The following TCF25 variants were observed in gnomAD, a reference collection of about 807,000 sequenced individuals.
TCF25 encodes ribosome quality control complex subunit TCF25.
Under a neutral mutation model 83.1 loss-of-function variants are expected in TCF25, and 41 were observed. That is an observed-to-expected ratio of 0.49 (90% CI 0.38 to 0.64). The LOEUF (loss-of-function observed/expected upper bound fraction) is 0.64, where lower values mean the gene tolerates loss of function less well. Among genes scored for constraint, TCF25 ranks in the 30% least tolerant of loss-of-function variants. The pLI is 0.00. For missense variants in TCF25, 979 were observed against 914.5 expected, an observed-to-expected ratio of 1.07 and a Z score of -0.91; for synonymous variants, 458 against 365.0, an observed-to-expected ratio of 1.25 and a Z score of -2.90.
At chr16:89,887,995 A>G (rs2043144029) in intron 5 of TCF25, among the ~76,000 whole-genome samples, 1 of 152,174 alleles carries the variant, frequency 6.6e-6, no homozygotes, top group Middle Eastern at 3.2e-3. Flanking sequence ...TGCCGAGTGC[A>G]GTGCTCACGC....
chr16:89,894,363 G>GGACGGCCCCCGCGCAGCCCCA (rs547627727), intron 7 of TCF25, among the ~76,000 whole-genome samples: 6,348 of 149,202 alleles, frequency 0.043, 469 homozygotes, highest in African/African-American at 0.15. Context: ...TTGCAGCCCC[G>GGACGGCCCCCGCGCAGCCCCA]GACGGCCCCC....
intron 9 of TCF25, 74 bp from the exon 10 acceptor site, chr16:89,898,483 G>GGTA: frequency 6.7e-7 from 1 of 1,495,218 alleles, no homozygotes; most frequent in Non-Finnish European, 9.2e-7. Flanking sequence ...TGGAGTGGGT[G>GGTA]CTGGCCGGGG....
Position 89,876,965 on chromosome 16 carries a change from G to A in TCF25, c.192+3106G>A, listed in dbSNP as rs985526961. On this transcript the variant is annotated intron_variant, in intron 1 of 17. Transcript: ENST00000263346. ...AAAAAAAAAAAAATTGGCCAGGCAT[G>A]GTGGTGGGTGCCTGTAATCCCAGCT... is the stretch of plus-strand genomic sequence containing the variant. Among the ~76,000 whole-genome samples the A allele has an allele frequency of 1.1e-4, 17 of 149,780 alleles. No homozygotes were observed. The East Asian group carries it at 3.1e-3, about 28-fold the overall frequency.
At chr16:89,890,333 A>C (rs1294785677) in intron 5 of TCF25, 1 of 152,268 alleles carries the variant, frequency 6.6e-6, no homozygotes, top group Admixed American at 6.5e-5. Flanking sequence ...ACTGCCCAAG[A>C]ATGAGTATAT....
intron 1 of TCF25, among the ~76,000 whole-genome samples, chr16:89,881,267 C>G (rs1452175807): frequency 6.6e-6 from 1 of 152,154 alleles, no homozygotes; most frequent in Non-Finnish European, 1.5e-5. Context: ...AATTCTGTTT[C>G]AGAAACTATC....
chr16:89,887,773 T>A (rs868705404), intron 5 of TCF25, 56 bp downstream of exon 5: 4 of 1,464,424 alleles, frequency 2.7e-6, no homozygotes, highest in South Asian at 1.4e-5. Flanking sequence ...CTTAGACTCT[T>A]GGCCGGGGGT....
intron 12 of TCF25, 95 bp downstream of exon 12, chr16:89,900,889 C>A: frequency 7.6e-7 from 1 of 1,316,192 alleles, no homozygotes; most frequent in Non-Finnish European, 1.0e-6. Flanking sequence ...CCCAGTCCTT[C>A]CCCACACTTG....
intron 14 of TCF25, 121 bp downstream of exon 14, chr16:89,905,217 TGG>T: frequency 1.5e-6 from 2 of 1,340,768 alleles, no homozygotes; most frequent in Non-Finnish European, 2.0e-6. Flanking sequence ...TCCCTTGCTG[TGG>T]GGCCTGTGTG....
intron 16 of TCF25, chr16:89,909,503 C>G (rs58534852): frequency 0.12 from 16,667 of 136,560 alleles, 1,256 homozygotes; most frequent in East Asian, 0.26. Context: ...GAGGAAGACT[C>G]CGTCTCAAAA....
At chr16:89,908,496 C>T (rs1411045174) in intron 16 of TCF25, among the ~76,000 whole-genome samples, 1 of 143,596 alleles carries the variant, frequency 7.0e-6, no homozygotes, top group Non-Finnish European at 1.5e-5. Context: ...CCTCTTTCCT[C>T]GCAGTTCCCA....
intron 13 of TCF25, chr16:89,904,559 G>A: frequency 4.1e-6 from 2 of 489,948 alleles, no homozygotes; most frequent in Non-Finnish European, 7.5e-6. Flanking sequence ...CAGCCTGGGT[G>A]ATGGTGAGAC....
At chr16:89,889,493 A>G in intron 5 of TCF25, 1 of 199,544 alleles carries the variant, frequency 5.0e-6, no homozygotes. Flanking sequence ...ATCCTGTTTT[A>G]TTGGACCATG....
chr16:89,891,772 G>A lies in TCF25; in HGVS notation c.615-421G>A, dbSNP rs143646217. On this transcript the variant is annotated intron_variant, in intron 5 of 17. Transcript: ENST00000263346. ...TTTTTTATTTTCCTCTTGAGACAGGGCCTTGCTCTGTCGTCCAGGCTGGAG... is the reference window on the plus strand; with the variant it reads ...TTTTTTATTTTCCTCTTGAGACAGGACCTTGCTCTGTCGTCCAGGCTGGAG... Among the ~76,000 whole-genome samples, 6 of 152,266 alleles carry A rather than the reference G, an allele frequency of 3.9e-5. No homozygotes were observed. In the East Asian group the frequency reaches 1.2e-3, roughly 29 times the overall value.
chr16:89,903,904 G>T (rs1433647770), intron 12 of TCF25, among the ~76,000 whole-genome samples: 2 of 152,154 alleles, frequency 1.3e-5, no homozygotes, highest in Admixed American at 1.3e-4. Context: ...CCTTGGGGCT[G>T]GTGTGAAGGA....
chr16:89,904,343 T>C lies in TCF25; in HGVS notation c.1469+138T>C, dbSNP rs1250209607. On this transcript the variant is annotated intron_variant, in intron 13 of 17. Transcript: ENST00000263346. ...GCTGTGGTGGCGGCCTCGGGGACTG[T>C]CATTTGACATGGGACGGCTCTGGAG... 8.6e-6 allele frequency: 8 copies of C among 933,830 alleles called. No individual in the cohort carries two copies. In the East Asian group the frequency reaches 2.1e-4, roughly 25 times the overall value. The allele number at this position is 933,830 out of a possible 1,614,324, so 57.8% of individuals were successfully genotyped here.
intron 5 of TCF25, 77 bp downstream of exon 5, chr16:89,887,794 A>C (rs2043129936): frequency 7.2e-7 from 1 of 1,381,834 alleles, no homozygotes; most frequent in Non-Finnish European, 9.7e-7. Context: ...GGTGTTCCTG[A>C]AGCTAGTTTA....
At chr16:89,905,761 T>C (rs1005524454) in intron 14 of TCF25, among the ~76,000 whole-genome samples, 2 of 152,238 alleles carry the variant, frequency 1.3e-5, no homozygotes, top group African/African-American at 4.8e-5. Flanking sequence ...CCCACTGGAC[T>C]GGACATTCTC....
Position 89,893,829 on chromosome 16 carries a change from G to T in TCF25, c.799G>T (p.Val267Leu). 1.2e-6 allele frequency: 2 copies of T among 1,610,250 alleles called. No homozygotes were observed. The highest frequency in any genetic ancestry group is 1.7e-6 in the Non-Finnish European group (2 of 1,178,368). Residue 267 changes from valine to leucine, a missense_variant, in exon 7 of 18, where the codon GTG becomes TTG. Val to Leu is a conservative substitution (Grantham distance 32, BLOSUM62 1). Transcript: ENST00000263346. ...QQAQHKFLVA[V>L]ESMEPNNIVV... is the part of the protein sequence containing the mutation. ...GGCTCAGCACAAGTTCCTGGTGGCC[G>T]TGGAGTCTATGGAGCCGAACAACAT... is the stretch of plus-strand genomic sequence containing the variant.
intron 16 of TCF25, among the ~76,000 whole-genome samples, chr16:89,908,626 GCTCCCACCTCCCAC>G (rs1162583977): frequency 0.011 from 113 of 10,092 alleles, no homozygotes; most frequent in Middle Eastern, 0.05. Flanking sequence ...CCACCTCCCA[GCTCCCACCTCCCAC>G]CTCCCAGCTC....
Sources: gnomAD v4.1 joint callset for allele counts (sites outside exome capture counted in the v4.1 genomes callset) on GRCh38, gnomAD v4.1.1 for gene constraint, MANE v1.5 for transcripts, NCBI Gene and HGNC (gene_info 2026-07-23, HGNC 2026-07-21) for gene names.